Variants in SCAMP4 observed in about 807,000 individuals in gnomAD.
SCAMP4 encodes secretory carrier membrane protein 4.
SCAMP4 carries 19 observed loss-of-function variants against 32.1 expected under a neutral mutation model. The observed-to-expected ratio is 0.59, with a 90% CI of 0.41 to 0.87. SCAMP4 has a LOEUF of 0.87. SCAMP4 is among the 40% of genes least tolerant of loss of function. The pLI is 0.00. For missense variants in SCAMP4, 302 were observed against 309.0 expected (o/e 0.98, Z 0.17); for synonymous variants, 152 against 132.7 (o/e 1.15, Z -1.00).
intron 1 of SCAMP4, chr19:1,906,117 T>C (rs1339228274): frequency 1.3e-5 from 2 of 152,190 alleles, no homozygotes; most frequent in Non-Finnish European, 2.9e-5. Context: ...CCCAGCACTT[T>C]GGGAGGCCAA....
chr19:1,923,176 G>C lies in SCAMP4; in HGVS notation c.502G>C (p.Ala168Pro). The C allele has an allele frequency of 1.3e-6, 2 of 1,549,802 alleles. No individual in the cohort carries two copies. Among genetic ancestry groups the C allele is most frequent in the Non-Finnish European group, 1.7e-6 (2 of 1,145,984 alleles). ...FSVSAAMMAIAIMKVHRIYRG... is the reference protein window; with the variant it reads ...FSVSAAMMAIPIMKVHRIYRG... ...CGTGTCGGCTGCCATGATGGCCATC[G>C]CGATCATGAAGGTGAGTCCTCGGCT... The change falls in exon 6 of 7, where the codon GCG (alanine) becomes CCG (proline). Residue 168 changes from alanine (A) to proline (P), a missense_variant. Ala to Pro is a conservative substitution (Grantham distance 27). Transcript: ENST00000316097.
At position 1,912,744 on chromosome 19, in the gene SCAMP4, G is replaced by A. The variant is rs1465330129; in HGVS notation, c.-41-2235G>A. On this transcript the variant is annotated intron_variant, in intron 1 of 6. Coordinates refer to ENST00000316097, the MANE Select transcript of SCAMP4 (RefSeq NM_079834.4). Reference sequence around the variant, plus strand: ...GGCCACCGGCCACGACTGCAGCTGCGCGGACAACCCCCTCCTGCACGCCGT... The same window carrying A: ...GGCCACCGGCCACGACTGCAGCTGCACGGACAACCCCCTCCTGCACGCCGT... 5 of 1,543,954 alleles carry A rather than the reference G, an allele frequency of 3.2e-6. No individual in the cohort carries two copies. The highest frequency in any genetic ancestry group is 3.8e-5 in the Admixed American group (2 of 52,736).
chr19:1,922,998 G>C (rs537275413), intron 5 of SCAMP4, 72 bp from the exon 6 acceptor site: 2 of 1,440,538 alleles, frequency 1.4e-6, no homozygotes, highest in Non-Finnish European at 1.8e-6. Flanking sequence ...ACATGGGGAG[G>C]ACCATGGGCC....
chr19:1,914,201 G>A (rs532039748), intron 1 of SCAMP4, among the ~76,000 whole-genome samples: 71 of 152,324 alleles, frequency 4.7e-4, no homozygotes, highest in Non-Finnish European at 1.0e-4. Flanking sequence ...GGGAGTGAGA[G>A]GTGGGAGGTG....
intron 5 of SCAMP4, chr19:1,919,323 GGCT>G (rs1384978517): frequency 4.2e-6 from 5 of 1,185,382 alleles, no homozygotes; most frequent in Non-Finnish European, 5.3e-6. Flanking sequence ...GCCAGTTCCT[GGCT>G]GCTGATGTTT....
intron 1 of SCAMP4, chr19:1,911,956 C>T (rs2013473683): frequency 5.7e-6 from 8 of 1,399,362 alleles, no homozygotes; most frequent in Non-Finnish European, 7.4e-6. Flanking sequence ...TCGGACTAGC[C>T]TCAGCTTTGG....
chr19:1,911,947 C>T lies in SCAMP4; in HGVS notation c.-41-3032C>T, dbSNP rs115976838. 3,666 of 1,381,686 alleles carry T rather than the reference C, an allele frequency of 2.7e-3. 85 individuals are homozygous for T. In the African/African-American group the frequency reaches 0.051, roughly 19 times the overall value. The allele number at this position is 1,381,686 out of a possible 1,614,324, so 85.6% of individuals were successfully genotyped here. ...ATGCGGTGACCTGGGCCGGAGCCCT[C>T]GGACTAGCCTCAGCTTTGGTGGCAG... On this transcript the variant is annotated intron_variant, in intron 1 of 6. Transcript: ENST00000316097.
At chr19:1,910,464 C>T (rs1445814209) in intron 1 of SCAMP4, among the ~76,000 whole-genome samples, 3 of 151,752 alleles carry the variant, frequency 2.0e-5, no homozygotes, top group African/African-American at 7.3e-5. Context: ...CAAGTTTTCT[C>T]TTAGGGGTGA....
At chr19:1,915,172 G>A in intron 2 of SCAMP4, 146 bp downstream of exon 2, 1 of 954,200 alleles carries the variant, frequency 1.0e-6, no homozygotes, top group East Asian at 2.4e-5. Flanking sequence ...CCGTAGCCCA[G>A]CACAGCTGGA....
At position 1,918,963 on chromosome 19, in the gene SCAMP4, C is replaced by T. The variant is rs763080185; in HGVS notation, c.368C>T (p.Ala123Val). The change falls in exon 5 of 7, where the codon GCG becomes GTG. Residue 123 changes from alanine (A) to valine (V), a missense_variant. Ala to Val is a moderately conservative substitution (Grantham distance 64). Coordinates refer to ENST00000316097, the MANE Select transcript of SCAMP4 (RefSeq NM_079834.4). The stretch of plus-strand genomic sequence containing the variant: ...CAGTTTGTCCTGACCGTCATCCAGG[C>T]GATTGGCTTCTCCGGCTGGGGCGCG... ...GAQFVLTVIQ[A>V]IGFSGWGACG... 14 of 1,611,544 alleles carry T rather than the reference C, an allele frequency of 8.7e-6. No individual in the cohort carries two copies. Among genetic ancestry groups the T allele is most frequent in the African/African-American group, 2.7e-5 (2 of 74,878 alleles).
At chr19:1,913,080 C>T (rs2013582033) in intron 1 of SCAMP4, 2 of 1,601,410 alleles carry the variant, frequency 1.2e-6, no homozygotes, top group African/African-American at 2.7e-5. Flanking sequence ...ACGGCCCGAC[C>T]TCAACCACCG....
intron 1 of SCAMP4, among the ~76,000 whole-genome samples, chr19:1,907,404 AAG>A (rs3052975): frequency 0.01 from 1,548 of 151,208 alleles, 35 homozygotes; most frequent in African/African-American, 0.035. Flanking sequence ...AAAAAAAAAA[AAG>A]GTAGAGCAGG....
chr19:1,912,968 CGCCATGT>C, intron 1 of SCAMP4: 1 of 1,609,750 alleles, frequency 6.2e-7, no homozygotes, highest in Non-Finnish European at 8.5e-7. Context: ...GCGAGCCCTG[CGCCATGT>C]GCGCCATGGC....
rs2014047525 is a variant in SCAMP4 at position 1,924,802 on chromosome 19, G to A, written c.*518G>A. On this transcript the variant is annotated 3_prime_UTR_variant, in exon 7 of 7. Coordinates refer to ENST00000316097, the MANE Select transcript of SCAMP4 (RefSeq NM_079834.4). ...GTCCCCTGCAGTGATAGAGGGCTTG[G>A]TGCCTAGCTGAGTCCTCGCTGTCCC... is the stretch of plus-strand genomic sequence containing the variant. 1 of 177,650 alleles carries A rather than the reference G, an allele frequency of 5.6e-6. No individual in the cohort carries two copies. Among genetic ancestry groups the A allele is most frequent in the African/African-American group, 2.3e-5 (1 of 42,902 alleles). The allele number at this position is 177,650 out of a possible 1,614,324, so 11.0% of individuals were successfully genotyped here.
At chr19:1,907,731 T>C (rs918405584) in intron 1 of SCAMP4, among the ~76,000 whole-genome samples, 15 of 152,248 alleles carry the variant, frequency 9.9e-5, no homozygotes, top group African/African-American at 3.1e-4. Context: ...GGACCTGGGC[T>C]GCCTGCCCTC....
intron 1 of SCAMP4, chr19:1,906,960 G>A (rs1239300350): frequency 6.6e-6 from 1 of 151,996 alleles, no homozygotes; most frequent in Non-Finnish European, 1.5e-5. Flanking sequence ...GGCCTAGGCA[G>A]GTATATCACA....
rs574538252 is a variant in SCAMP4 at position 1,908,254 on chromosome 19, C to T, written c.-42+2815C>T. Reference sequence around the variant, plus strand: ...TGGCGCTGCCTCCGCGCTTCCTGCTCCCGGCTCCCACTGCATCTCCGGTTC... The same window carrying T: ...TGGCGCTGCCTCCGCGCTTCCTGCTTCCGGCTCCCACTGCATCTCCGGTTC... On this transcript the variant is annotated intron_variant, in intron 1 of 6. Coordinates refer to ENST00000316097, the MANE Select transcript of SCAMP4 (RefSeq NM_079834.4). The surrounding 1 kb of genome is among the most constrained non-coding windows in gnomAD (Gnocchi z 4.2). 2.1e-5 allele frequency: 6 copies of T among 283,666 alleles called. No homozygotes were observed. Among genetic ancestry groups the T allele is most frequent in the South Asian group, 1.4e-4 (5 of 35,378 alleles). The allele number at this position is 283,666 out of a possible 1,614,324, so 17.6% of individuals were successfully genotyped here. A position where few individuals can be genotyped will look rare whatever the true frequency, so the allele number is the denominator to read the frequency against.
chr19:1,922,155 G>A, intron 5 of SCAMP4: 1 of 985,482 alleles, frequency 1.0e-6, no homozygotes, highest in Non-Finnish European at 1.2e-6. Flanking sequence ...TGCCTCCTGG[G>A]TCTCAAAGGC....
At chr19:1,912,743 C>T (rs1429794508) in intron 1 of SCAMP4, 6 of 1,542,804 alleles carry the variant, frequency 3.9e-6, no homozygotes, top group Admixed American at 1.9e-5. Flanking sequence ...ACTGCAGCTG[C>T]GCGGACAACC....
Sources: gnomAD v4.1 joint callset for allele counts (sites outside exome capture counted in the v4.1 genomes callset) on GRCh38, gnomAD v4.1.1 for gene constraint, Gnocchi (gnomAD v3.1) non-coding constraint, MANE v1.5 for transcripts, NCBI Gene and HGNC (gene_info 2026-07-23, HGNC 2026-07-21) for gene names.